The following ZMAT4 variants were observed in gnomAD, a reference collection of about 807,000 sequenced individuals.
The protein encoded by ZMAT4 is zinc finger matrin-type 4.
A neutral mutation model predicts 28.7 loss-of-function variants in ZMAT4; 17 were observed. That is an observed-to-expected ratio of 0.59 (90% CI 0.41 to 0.89). The LOEUF is 0.89. ZMAT4 is among the 40% of genes least tolerant of loss of function. The pLI is 0.00. For missense variants in ZMAT4, 240 were observed against 283.8 expected, an observed-to-expected ratio of 0.85 and a Z score of 1.11; for synonymous variants, 117 against 109.2, an observed-to-expected ratio of 1.07 and a Z score of -0.44.
At chr8:40,782,608 A>G (rs779718859) in intron 2 of ZMAT4, among the ~76,000 whole-genome samples, 1 of 152,180 alleles carries the variant, frequency 6.6e-6, no homozygotes, top group Non-Finnish European at 1.5e-5. Context: ...GGCAGATGTT[A>G]AAGTGGTAAA....
At chr8:40,608,223 C>CA (rs1805669097) in intron 5 of ZMAT4, among the ~76,000 whole-genome samples, 1 of 152,114 alleles carries the variant, frequency 6.6e-6, no homozygotes, top group Non-Finnish European at 1.5e-5. Flanking sequence ...TGTCTGAGCT[C>CA]AGACTCTTCT....
chr8:40,708,710 C>T (rs1027472047), intron 3 of ZMAT4, among the ~76,000 whole-genome samples: 4 of 144,746 alleles, frequency 2.8e-5, no homozygotes, highest in East Asian at 2.0e-4. Flanking sequence ...CAGTGAGTGG[C>T]GCAATCTCAG....
chr8:40,605,427 TC>T (rs1805548011), intron 5 of ZMAT4, among the ~76,000 whole-genome samples: 1 of 152,246 alleles, frequency 6.6e-6, no homozygotes, highest in African/African-American at 2.4e-5. Flanking sequence ...TATCTTGATT[TC>T]ATTGTGAACT....
At chr8:40,614,086 G>A (rs1805904602) in intron 5 of ZMAT4, among the ~76,000 whole-genome samples, 1 of 152,190 alleles carries the variant, frequency 6.6e-6, no homozygotes, top group Admixed American at 6.5e-5. Context: ...GCTGTAGCCA[G>A]CACAGTCATG....
chr8:40,587,967 A>C (rs1474480542), intron 5 of ZMAT4, among the ~76,000 whole-genome samples: 1 of 152,006 alleles, frequency 6.6e-6, no homozygotes, highest in Non-Finnish European at 1.5e-5. Context: ...AATATTAGAC[A>C]AAATAGATGT....
At chr8:40,610,645 T>C (rs554313244) in intron 5 of ZMAT4, among the ~76,000 whole-genome samples, 1 of 152,158 alleles carries the variant, frequency 6.6e-6, no homozygotes, top group African/African-American at 2.4e-5. Flanking sequence ...TTAATTCGGT[T>C]ATCTTCTCTG....
chr8:40,737,142 G>C (rs1811800843), intron 3 of ZMAT4, among the ~76,000 whole-genome samples: 1 of 152,184 alleles, frequency 6.6e-6, no homozygotes, highest in Admixed American at 6.5e-5. Context: ...CCAACCCATG[G>C]CTCAGGACAG....
chr8:40,611,672 A>T (rs1805801863), intron 5 of ZMAT4, among the ~76,000 whole-genome samples: 1 of 152,234 alleles, frequency 6.6e-6, no homozygotes, highest in South Asian at 2.1e-4. Context: ...TGTCTGGTGC[A>T]TGTAATCACA....
intron 3 of ZMAT4, among the ~76,000 whole-genome samples, chr8:40,761,378 C>T: frequency 6.6e-6 from 1 of 152,308 alleles, no homozygotes; most frequent in Middle Eastern, 3.4e-3. Context: ...AGGTCTCCCA[C>T]AGGCCTTCCT....
At chr8:40,631,806 G>A (rs948291482) in intron 5 of ZMAT4, among the ~76,000 whole-genome samples, 2 of 152,200 alleles carry the variant, frequency 1.3e-5, no homozygotes, top group African/African-American at 4.8e-5. Context: ...TTTCTGGTAG[G>A]AGAGCTATGC....
intron 6 of ZMAT4, among the ~76,000 whole-genome samples, chr8:40,577,283 A>C (rs1804298906): frequency 6.6e-6 from 1 of 152,260 alleles, no homozygotes; most frequent in African/African-American, 2.4e-5. Context: ...CTAAGTGTCC[A>C]TCAATAGATG....
intron 1 of ZMAT4, among the ~76,000 whole-genome samples, chr8:40,852,402 C>A (rs574914443): frequency 2.0e-5 from 3 of 152,208 alleles, no homozygotes; most frequent in East Asian, 1.9e-4. Flanking sequence ...TTTTGCAAAT[C>A]CCTTGTATGT....
intron 4 of ZMAT4, among the ~76,000 whole-genome samples, chr8:40,681,152 G>T (rs1380014681): frequency 6.6e-6 from 1 of 152,100 alleles, no homozygotes; most frequent in African/African-American, 2.4e-5. Context: ...CAGAGGAAGT[G>T]GTAAAGACCA....
At chr8:40,817,458 C>A (rs1815588706) in intron 2 of ZMAT4, among the ~76,000 whole-genome samples, 2 of 152,134 alleles carry the variant, frequency 1.3e-5, no homozygotes, top group Admixed American at 1.3e-4. Context: ...GTCCCTCCTG[C>A]AGAGGAAGAT....
At position 40,612,811 on chromosome 8, in the gene ZMAT4, GTTT is replaced by G. The variant is rs57134245; in HGVS notation, c.578-31553_578-31551del. On this transcript the variant is annotated intron_variant, in intron 5 of 6. Coordinates refer to ENST00000297737, the MANE Select transcript of ZMAT4 (RefSeq NM_024645.3). Reference sequence around the variant, plus strand: ...AGTCATTCTCTGTATTTTGGTTTTTGTTTTTTTTTTTTTTTTTTGAGACGAAGT... The same window carrying G: ...AGTCATTCTCTGTATTTTGGTTTTTGTTTTTTTTTTTTTTTGAGACGAAGT... 7.5e-4 allele frequency among the ~76,000 whole-genome samples: 65 copies of G among 86,248 alleles called. 7 individuals are homozygous for G. Among genetic ancestry groups the G allele is most frequent in the South Asian group, 1.8e-3 (5 of 2,760 alleles). The allele number at this position is 86,248 out of a possible 152,430, so 56.6% of individuals were successfully genotyped here.
intron 2 of ZMAT4, among the ~76,000 whole-genome samples, chr8:40,804,963 T>A (rs1235131020): frequency 6.6e-6 from 1 of 151,650 alleles, no homozygotes; most frequent in Non-Finnish European, 1.5e-5. Context: ...AAAAAAAAAT[T>A]CTAGAGCTTC....
chr8:40,665,629 G>A (rs573761787), intron 5 of ZMAT4, among the ~76,000 whole-genome samples: 1 of 152,314 alleles, frequency 6.6e-6, no homozygotes, highest in East Asian at 1.9e-4. Flanking sequence ...CTCAGAGTTG[G>A]CTGTGCTTAT....
chr8:40,609,566 C>A (rs1333513742), intron 5 of ZMAT4, among the ~76,000 whole-genome samples: 2 of 152,198 alleles, frequency 1.3e-5, no homozygotes, highest in Non-Finnish European at 2.9e-5. Flanking sequence ...GTCAAACCCA[C>A]AGTTAGGCTC....
In ZMAT4 at chr8:40,666,359, C is replaced by G. The variant is rs1241808910; in HGVS notation, c.577+8345G>C. On this transcript the variant is annotated intron_variant, in intron 5 of 6. Coordinates refer to ENST00000297737, the MANE Select transcript of ZMAT4 (RefSeq NM_024645.3). ...TCATCTTTTTCTGGAACAAATAACA[C>G]TAGAGTTGAGTCAGCAATCAAGTTA... Among the ~76,000 whole-genome samples, 4 of 152,056 alleles carry G rather than the reference C, an allele frequency of 2.6e-5. No homozygotes were observed. The East Asian group carries it at 7.7e-4, about 29-fold the overall frequency.
Sources: gnomAD v4.1 joint callset for allele counts (sites outside exome capture counted in the v4.1 genomes callset) on GRCh38, gnomAD v4.1.1 for gene constraint, MANE v1.5 for transcripts, NCBI Gene and HGNC (gene_info 2026-07-23, HGNC 2026-07-21) for gene names.